Variants in PDCD7 observed in about 807,000 individuals in gnomAD.
The protein encoded by PDCD7 is programmed cell death protein 7.
PDCD7 carries 40 observed loss-of-function variants against 42.1 expected under a neutral mutation model. The observed-to-expected ratio is 0.95, with a 90% confidence interval of 0.74 to 1.24. The LOEUF (loss-of-function observed/expected upper bound fraction) is 1.24. PDCD7 is among the 50% of genes most tolerant of loss of function. The pLI is 0.00. For missense variants in PDCD7, 644 were observed against 662.8 expected (o/e 0.97, Z 0.31); for synonymous variants, 299 against 303.3 (o/e 0.99, Z 0.15).
At chr15:65,120,811 G>C (rs2087447535) in intron 2 of PDCD7, among the ~76,000 whole-genome samples, 1 of 152,156 alleles carries the variant, frequency 6.6e-6, no homozygotes, top group African/African-American at 2.4e-5. Flanking sequence ...GCTTCCCAAA[G>C]TGAGCCACTG....
intron 2 of PDCD7, among the ~76,000 whole-genome samples, chr15:65,122,957 G>A (rs916586388): frequency 1.2e-4 from 18 of 150,808 alleles, no homozygotes; most frequent in South Asian, 1.0e-3. Context: ...AGCCGAGATC[G>A]CACCACGGCA....
rs1454513221 is a variant in PDCD7 at position 65,119,768 on chromosome 15, TTC to T, written c.1194_1195del (p.Lys399AsnfsTer7). ...AATTTCACGTTTCTGAAGTAAAATT[TTC>T]TCTTTTTCTTTTCTTTGTTTCTTTT... On this transcript the variant is annotated frameshift_variant, in exon 3 of 5. Coordinates refer to ENST00000204549, the MANE Select transcript of PDCD7 (RefSeq NM_005707.2). LOFTEE classifies it high-confidence loss of function. 1.9e-6 allele frequency: 3 copies of T among 1,612,332 alleles called. No homozygotes were observed. Among genetic ancestry groups the T allele is most frequent in the East Asian group, 2.2e-5 (1 of 44,880 alleles).
chr15:65,125,067 T>C (rs1341845922), intron 2 of PDCD7, among the ~76,000 whole-genome samples: 3 of 152,216 alleles, frequency 2.0e-5, no homozygotes, highest in Non-Finnish European at 4.4e-5. Flanking sequence ...ATTTACCCTG[T>C]TTCCCAGAGA....
rs2087565089 is a variant in PDCD7 at position 65,133,754 on chromosome 15, C to T, written c.28G>A (p.Gly10Ser). 1.5e-6 allele frequency: 2 copies of T among 1,332,172 alleles called. No individual in the cohort carries two copies. Among genetic ancestry groups the T allele is most frequent in the African/African-American group, 1.5e-5 (1 of 65,392 alleles). The allele number at this position is 1,332,172 out of a possible 1,614,324, so 82.5% of individuals were successfully genotyped here. The change falls in exon 1 of 5, where the codon GGT (glycine) becomes AGT (serine). Residue 10 changes from glycine (G) to serine (S), a missense_variant. Physicochemically the swap from Gly to Ser is moderately conservative, Grantham distance 56 (BLOSUM62 0). Coordinates refer to ENST00000204549, the MANE Select transcript of PDCD7 (RefSeq NM_005707.2). ...TGCGGGGGCGGTGGGCCTGGGCGAC[C>T]CTGGCCGAAGAATGGTGGCAGGGCC... is the stretch of plus-strand genomic sequence containing the variant. MALPPFFGQ[G>S]RPGPPPPQPP...
Position 65,133,531 on chromosome 15 carries a change from G to A in PDCD7, c.251C>T (p.Pro84Leu). Reference sequence around the variant, plus strand: ...CGGCGGAGGAGGCAGCGGCGGTGGTGGCACCGGGTAGAAGGCGCCAGCGCC... The same window carrying A: ...CGGCGGAGGAGGCAGCGGCGGTGGTAGCACCGGGTAGAAGGCGCCAGCGCC... ...GGGAGAFYPV[P>L]PPPLPPPPPQ... The change falls in exon 1 of 5, where the codon CCA becomes CTA. Residue 84 changes from proline to leucine, a missense_variant. Pro to Leu is a moderately conservative substitution (Grantham distance 98). Coordinates refer to ENST00000204549, the MANE Select transcript of PDCD7 (RefSeq NM_005707.2). The A allele has an allele frequency of 8.1e-7, 1 of 1,228,478 alleles. No homozygotes were observed. The highest frequency in any genetic ancestry group is 1.0e-6 in the Non-Finnish European group (1 of 985,892). The allele number at this position is 1,228,478 out of a possible 1,614,324, so 76.1% of individuals were successfully genotyped here. A position where few individuals can be genotyped will look rare whatever the true frequency, so the allele number is the denominator to read the frequency against.
At position 65,129,029 on chromosome 15, in the gene PDCD7, T is replaced by TA; in HGVS notation, c.1009+2dup. On this transcript the variant is annotated splice_region_variant and intron_variant, in intron 2 of 4. Coordinates refer to ENST00000204549, the MANE Select transcript of PDCD7 (RefSeq NM_005707.2). ...AAGGAAAGAAATGCAAAGCCACAGT[T>TA]ACCTTTCCTCGCTGCAGCCTCTTTC... is the stretch of plus-strand genomic sequence containing the variant. The TA allele has an allele frequency of 6.2e-7, 1 of 1,614,096 alleles. No individual in the cohort carries two copies. Among genetic ancestry groups the TA allele is most frequent in the Non-Finnish European group, 8.5e-7 (1 of 1,179,966 alleles).
chr15:65,133,755 C>A lies in PDCD7; in HGVS notation c.27G>T (p.Gln9His), dbSNP rs2087565114. 7.5e-7 allele frequency: 1 copy of A among 1,333,054 alleles called. No individual in the cohort carries two copies. The highest frequency in any genetic ancestry group is 9.6e-7 in the Non-Finnish European group (1 of 1,039,640). The allele number at this position is 1,333,054 out of a possible 1,614,324, so 82.6% of individuals were successfully genotyped here. ...GCGGGGGCGGTGGGCCTGGGCGACC[C>A]TGGCCGAAGAATGGTGGCAGGGCCA... MALPPFFG[Q>H]GRPGPPPPQP... Residue 9 changes from glutamine to histidine, a missense_variant, in exon 1 of 5, where the codon CAG becomes CAT. Coordinates refer to ENST00000204549, the MANE Select transcript of PDCD7 (RefSeq NM_005707.2).
Position 65,133,693 on chromosome 15 carries a change from G to A in PDCD7, c.89C>T (p.Pro30Leu). The change falls in exon 1 of 5, where the codon CCG (proline) becomes CTG (leucine). Residue 30 changes from proline to leucine, a missense_variant. By Grantham distance (98) the Pro-to-Leu change is moderately conservative (BLOSUM62 -3). Transcript: ENST00000204549. ...PPPAPFGCPP[P>L]PLPSPAFPPP... ...CGGGAAAGCCGGGGAGGGCAGCGGC[G>A]GTGGCGGACAGCCGAAAGGAGCAGG... 1.6e-6 allele frequency: 2 copies of A among 1,278,670 alleles called. No homozygotes were observed. The highest frequency in any genetic ancestry group is 9.9e-7 in the Non-Finnish European group (1 of 1,005,950). The allele number at this position is 1,278,670 out of a possible 1,614,324, so 79.2% of individuals were successfully genotyped here. A position where few individuals can be genotyped will look rare whatever the true frequency, so the allele number is the denominator to read the frequency against.
At chr15:65,126,805 T>C (rs553524337) in intron 2 of PDCD7, among the ~76,000 whole-genome samples, 1 of 151,850 alleles carries the variant, frequency 6.6e-6, no homozygotes, top group Admixed American at 6.6e-5. Context: ...ATTCAGTAGA[T>C]GAGGCTAGAA....
At chr15:65,129,224 G>A in intron 1 of PDCD7, 54 bp from the exon 2 acceptor site, 3 of 1,581,218 alleles carry the variant, frequency 1.9e-6, no homozygotes, top group South Asian at 2.2e-5. Context: ...ACTTACAGCA[G>A]AGAATAGCTG....
At chr15:65,128,214 A>AATCTACC (rs1274339535) in intron 2 of PDCD7, among the ~76,000 whole-genome samples, 1 of 152,254 alleles carries the variant, frequency 6.6e-6, no homozygotes, top group African/African-American at 2.4e-5. Flanking sequence ...AAAGGCCTAC[A>AATCTACC]ATCTACTAAA....
Position 65,133,048 on chromosome 15 carries a change from C to A in PDCD7, c.734G>T (p.Arg245Leu), listed in dbSNP as rs750080332. 1 of 1,590,340 alleles carries A rather than the reference C, an allele frequency of 6.3e-7. No individual in the cohort carries two copies. Among genetic ancestry groups the A allele is most frequent in the Non-Finnish European group, 8.5e-7 (1 of 1,174,448 alleles). The change falls in exon 1 of 5, where the codon CGC becomes CTC. Residue 245 changes from arginine (R) to leucine (L), a missense_variant. Coordinates refer to ENST00000204549, the MANE Select transcript of PDCD7 (RefSeq NM_005707.2). ...ARRRLERVRR[R>L]RLRLRERARE... ...GGCCCTCTCGCGAAGCCGCAGCCGG[C>A]GGCGCCGGACCCTCTCCAGCCTCCT...
chr15:65,118,114 T>A lies in PDCD7; in HGVS notation c.*603A>T, dbSNP rs2087422089. ...CTCTTCAGGTTTTCTAAGTTCTCCA[T>A]CTGAATAATAAGACTAGGCCACCAT... On this transcript the variant is annotated 3_prime_UTR_variant, in exon 5 of 5. Transcript: ENST00000204549. 6.6e-6 allele frequency: 1 copy of A among 152,200 alleles called. No individual in the cohort carries two copies. 9.4% of individuals were successfully genotyped at this position (152,200 alleles called of 1,614,324 possible).
rs1322834493 is a variant in PDCD7, at chr15:65,117,467, A to T, written c.*1250T>A. The T allele has an allele frequency of 6.6e-6, 1 of 152,328 alleles. No individual in the cohort carries two copies. The highest frequency in any genetic ancestry group is 6.5e-5 in the Admixed American group (1 of 15,284). 9.4% of individuals were successfully genotyped at this position (152,328 alleles called of 1,614,324 possible). On this transcript the variant is annotated 3_prime_UTR_variant, in exon 5 of 5. Transcript: ENST00000204549. The stretch of plus-strand genomic sequence containing the variant: ...AAACCAAAACAGAACCAAAAAAATG[A>T]CATGTTATATGAGTGATCATCTCCA...
chr15:65,118,769 AG>A lies in PDCD7; in HGVS notation c.1405del (p.Leu469PhefsTer34), dbSNP rs1433297911. On this transcript the variant is annotated frameshift_variant, in exon 5 of 5. Transcript: ENST00000204549. LOFTEE classifies it high-confidence loss of function. Reference protein sequence around the residue: ...KGNFVPQGWVLPPLPSNDIWA... With the variant: ...KGNFVPQGWVXPPLPSNDIWA... The stretch of plus-strand genomic sequence containing the variant: ...GATGTCGTTGCTGGGGAGCGGGGGA[AG>A]GACCCATCCTTGGGGAACGAAGTTG... 6.2e-7 allele frequency: 1 copy of A among 1,610,520 alleles called. No homozygotes were observed. Among genetic ancestry groups the A allele is most frequent in the South Asian group, 1.1e-5 (1 of 89,966 alleles).
chr15:65,123,481 C>T (rs144557405), intron 2 of PDCD7, among the ~76,000 whole-genome samples: 3 of 152,348 alleles, frequency 2.0e-5, no homozygotes, highest in East Asian at 1.9e-4. Context: ...CCACCATGCC[C>T]GGCCCTTCAA....
In PDCD7 at chr15:65,118,637, C is replaced by G; in HGVS notation, c.*80G>C. 1 of 1,418,158 alleles carries G rather than the reference C, an allele frequency of 7.1e-7. No homozygotes were observed. The highest frequency in any genetic ancestry group is 9.4e-7 in the Non-Finnish European group (1 of 1,060,782). 87.8% of individuals were successfully genotyped at this position (1,418,158 alleles called of 1,614,324 possible). A position where few individuals can be genotyped will look rare whatever the true frequency, so the allele number is the denominator to read the frequency against. ...TGGAATTTAGAAGTTGCAGTTTAGTCTACAGCAAAAGATGGCACCATCGCT... is the reference window on the plus strand; with the variant it reads ...TGGAATTTAGAAGTTGCAGTTTAGTGTACAGCAAAAGATGGCACCATCGCT... On this transcript the variant is annotated 3_prime_UTR_variant, in exon 5 of 5. Transcript: ENST00000204549.
Position 65,118,625 on chromosome 15 carries a change from T to C in PDCD7, c.*92A>G, listed in dbSNP as rs771348532. On this transcript the variant is annotated 3_prime_UTR_variant, in exon 5 of 5. Coordinates refer to ENST00000204549, the MANE Select transcript of PDCD7 (RefSeq NM_005707.2). ...GGGAATGCCACATGGAATTTAGAAGTTGCAGTTTAGTCTACAGCAAAAGAT... is the reference window on the plus strand; with the variant it reads ...GGGAATGCCACATGGAATTTAGAAGCTGCAGTTTAGTCTACAGCAAAAGAT... 3.8e-6 allele frequency: 5 copies of C among 1,316,776 alleles called. No individual in the cohort carries two copies. Among genetic ancestry groups the C allele is most frequent in the African/African-American group, 1.5e-5 (1 of 66,322 alleles). The allele number at this position is 1,316,776 out of a possible 1,614,324, so 81.6% of individuals were successfully genotyped here.
intron 1 of PDCD7, among the ~76,000 whole-genome samples, chr15:65,129,915 A>ATTTTT (rs746709395): frequency 2.4e-5 from 2 of 84,956 alleles, no homozygotes; most frequent in Non-Finnish European, 4.8e-5. Flanking sequence ...GAAACTTTGT[A>ATTTTT]TTTTTTTTTT....
Sources: allele counts gnomAD v4.1 joint callset (sites outside exome capture counted in the v4.1 genomes callset), GRCh38; gene constraint gnomAD v4.1.1; transcripts MANE v1.5; gene names NCBI Gene and HGNC (gene_info 2026-07-23, HGNC 2026-07-21).